The following FAM135B variants were observed in gnomAD, a reference collection of about 807,000 sequenced individuals.
The protein encoded by FAM135B is family with sequence similarity 135 member B, also known as protein FAM135B.
Under a neutral mutation model 127.7 loss-of-function variants are expected in FAM135B, and 43 were observed. The observed-to-expected ratio is 0.34, with a 90% CI of 0.26 to 0.43. The LOEUF is 0.43. FAM135B is among the 20% of genes least tolerant of loss of function. FAM135B has a pLI of 1.00. For missense variants in FAM135B, 1,558 were observed against 1,725.6 expected, an observed-to-expected ratio of 0.90 and a Z score of 1.72; for synonymous variants, 670 against 665.1, an observed-to-expected ratio of 1.01 and a Z score of -0.11.
chr8:138,336,595 T>C (rs1482271901), intron 2 of FAM135B, among the ~76,000 whole-genome samples: 1 of 152,138 alleles, frequency 6.6e-6, no homozygotes, highest in Non-Finnish European at 1.5e-5. Flanking sequence ...AAACAGGCTC[T>C]CAAATTGAGG....
At chr8:138,352,698 C>T (rs1202614353) in intron 2 of FAM135B, among the ~76,000 whole-genome samples, 1 of 152,170 alleles carries the variant, frequency 6.6e-6, no homozygotes, top group African/African-American at 2.4e-5. Flanking sequence ...CCTCAATGCC[C>T]CCCACTAGGA....
At chr8:138,271,718 A>G (rs2130679447) in intron 3 of FAM135B, among the ~76,000 whole-genome samples, 1 of 152,288 alleles carries the variant, frequency 6.6e-6, no homozygotes, top group South Asian at 2.1e-4. Flanking sequence ...TGTAAAACAA[A>G]CTGAGTTTGA....
Position 138,132,766 on chromosome 8 carries a change from G to A in FAM135B, c.4048C>T (p.Leu1350=), listed in dbSNP as rs1816311167. The stretch of plus-strand genomic sequence containing the variant: ...TCCTTGGCTTCAACCAGAGGGCCCA[G>A]GAGGTTGTTGATCATTTCTGCATAA... The part of the protein sequence containing the change: ...PVYAEMINNL[L]GPLVEAKDCT... Residue 1350 remains leucine, a synonymous_variant, in exon 20 of 20, where the codon CTG becomes TTG. Transcript: ENST00000395297. The surrounding 1 kb of genome is among the most constrained non-coding windows in gnomAD (Gnocchi z 4.5). 2 of 1,614,188 alleles carry A rather than the reference G, an allele frequency of 1.2e-6. No individual in the cohort carries two copies. Among genetic ancestry groups the A allele is most frequent in the East Asian group, 4.5e-5 (2 of 44,872 alleles).
intron 2 of FAM135B, among the ~76,000 whole-genome samples, chr8:138,334,017 G>T (rs1278866760): frequency 6.6e-6 from 1 of 152,170 alleles, no homozygotes; most frequent in African/African-American, 2.4e-5. Context: ...CTGCCTCCCA[G>T]GTTCAAGTGA....
chr8:138,439,953 C>G (rs1437805132), intron 1 of FAM135B: 1 of 152,198 alleles, frequency 6.6e-6, no homozygotes, highest in African/African-American at 2.4e-5. Context: ...GATGCCAACA[C>G]TAATCCTGGC....
chr8:138,386,633 T>C (rs905183274), intron 1 of FAM135B, among the ~76,000 whole-genome samples: 5 of 152,236 alleles, frequency 3.3e-5, no homozygotes, highest in African/African-American at 9.6e-5. Context: ...ATATTAATCT[T>C]TATAAAATGA....
chr8:138,308,457 T>G (rs1433818261), intron 3 of FAM135B, among the ~76,000 whole-genome samples: 3 of 152,168 alleles, frequency 2.0e-5, no homozygotes, highest in African/African-American at 7.2e-5. Context: ...AAATTCACCT[T>G]GAAGAAGAAA....
intron 7 of FAM135B, among the ~76,000 whole-genome samples, chr8:138,208,887 T>A (rs1427247740): frequency 6.6e-6 from 1 of 152,164 alleles, no homozygotes; most frequent in Non-Finnish European, 1.5e-5. Flanking sequence ...TAAAAAAAAA[T>A]CTCATTATTA....
chr8:138,369,317 C>A (rs567594473), intron 1 of FAM135B, among the ~76,000 whole-genome samples: 69 of 152,232 alleles, frequency 4.5e-4, no homozygotes, highest in East Asian at 2.7e-3. Flanking sequence ...CCTTCCAAAG[C>A]CCCTCTTACT....
intron 3 of FAM135B, among the ~76,000 whole-genome samples, chr8:138,298,580 C>A (rs112446912): frequency 6.6e-6 from 1 of 151,988 alleles, no homozygotes; most frequent in African/African-American, 2.4e-5. Flanking sequence ...TAAGAGGAAC[C>A]CAGCAATGAG....
chr8:138,434,820 T>G (rs1053515439), intron 1 of FAM135B, among the ~76,000 whole-genome samples: 1 of 152,090 alleles, frequency 6.6e-6, no homozygotes, highest in Non-Finnish European at 1.5e-5. Flanking sequence ...TTCAAGTAGG[T>G]GGGGGTACAT....
chr8:138,257,431 CACA>C (rs1822179397), intron 4 of FAM135B, among the ~76,000 whole-genome samples: 1 of 152,176 alleles, frequency 6.6e-6, no homozygotes, highest in African/African-American at 2.4e-5. Flanking sequence ...GCTTTTTAAA[CACA>C]GGAATCTTTA....
At chr8:138,475,371 C>T (rs984835814) in intron 1 of FAM135B, among the ~76,000 whole-genome samples, 2 of 152,130 alleles carry the variant, frequency 1.3e-5, no homozygotes, top group Admixed American at 1.3e-4. Flanking sequence ...ATCAATAACC[C>T]CTGAATTTCT....
At chr8:138,133,956 T>A (rs1816415895) in intron 19 of FAM135B, among the ~76,000 whole-genome samples, 1 of 152,166 alleles carries the variant, frequency 6.6e-6, no homozygotes, top group Non-Finnish European at 1.5e-5. Context: ...AATTAGGGAT[T>A]TCGTTGTAGC....
At position 138,130,211 on chromosome 8, in the gene FAM135B, T is replaced by A. The variant is rs1196400101; in HGVS notation, c.*2382A>T. The A allele has an allele frequency of 3.3e-5, 5 of 149,542 alleles. No homozygotes were observed. Among genetic ancestry groups the A allele is most frequent in the Non-Finnish European group, 7.4e-5 (5 of 67,500 alleles). 9.3% of individuals were successfully genotyped at this position (149,542 alleles called of 1,614,324 possible). ...TACATAATATATATTTATATATATTTTATGTATATATATTTATATATTCGA... is the reference window on the plus strand; with the variant it reads ...TACATAATATATATTTATATATATTATATGTATATATATTTATATATTCGA... On this transcript the variant is annotated 3_prime_UTR_variant, in exon 20 of 20. Transcript: ENST00000395297.
At chr8:138,319,451 G>A (rs1044942489) in intron 2 of FAM135B, among the ~76,000 whole-genome samples, 1 of 152,036 alleles carries the variant, frequency 6.6e-6, no homozygotes, top group African/African-American at 2.4e-5. Context: ...TACTACCTGG[G>A]GTCAAGTAAG....
At chr8:138,197,769 T>G in intron 7 of FAM135B, 100 bp from the exon 8 acceptor site, 1 of 1,344,108 alleles carries the variant, frequency 7.4e-7, no homozygotes, top group South Asian at 1.4e-5. Flanking sequence ...ATTCACAAAA[T>G]GTTTGGAGGT....
At chr8:138,182,718 C>T (rs1815181656) in intron 9 of FAM135B, among the ~76,000 whole-genome samples, 1 of 152,194 alleles carries the variant, frequency 6.6e-6, no homozygotes, top group Admixed American at 6.5e-5. Flanking sequence ...TACATTACAT[C>T]TTCAAGGTGA....
chr8:138,351,095 T>C (rs897799739), intron 2 of FAM135B, among the ~76,000 whole-genome samples: 28 of 152,204 alleles, frequency 1.8e-4, no homozygotes, highest in Non-Finnish European at 2.6e-4. Context: ...TTACTTCACA[T>C]ATAAGGCATG....
Sources: gnomAD v4.1 joint callset for allele counts (sites outside exome capture counted in the v4.1 genomes callset) on GRCh38, gnomAD v4.1.1 for gene constraint, Gnocchi (gnomAD v3.1) non-coding constraint, MANE v1.5 for transcripts, NCBI Gene and HGNC (gene_info 2026-07-23, HGNC 2026-07-21) for gene names.